LIN54: variants seen among roughly 807,000 people sequenced by gnomAD.
LIN54 encodes the protein protein lin-54 homolog.
In LIN54, 9 loss-of-function variants were observed where a neutral mutation model predicts 78.7. The observed-to-expected ratio is 0.11, with a 90% CI of 0.07 to 0.20. LIN54 has a LOEUF of 0.20. LIN54 is among the 10% of genes least tolerant of loss of function. LIN54 has a pLI of 1.00. For synonymous variants in LIN54, 269 were observed against 318.4 expected (o/e 0.84, Z 1.65); for missense variants, 573 against 889.9 (o/e 0.64, Z 4.53).
At chr4:82,938,375 G>T in intron 8 of LIN54, 38 bp downstream of exon 8, 1 of 1,124,646 alleles carries the variant, frequency 8.9e-7, no homozygotes, top group Non-Finnish European at 1.4e-6. Context: ...CATTTAAGCT[G>T]ATCTAACAAC....
chr4:82,948,764 C>T (rs1723610707), intron 4 of LIN54, among the ~76,000 whole-genome samples: 1 of 152,154 alleles, frequency 6.6e-6, no homozygotes. Flanking sequence ...TTTCCAGATT[C>T]CACATATGTG....
intron 4 of LIN54, among the ~76,000 whole-genome samples, chr4:82,961,675 C>T (rs1373129601): frequency 3.9e-5 from 6 of 152,134 alleles, no homozygotes; most frequent in African/African-American, 1.4e-4. Context: ...ATTAAGAAGG[C>T]CAGGCGTGGT....
chr4:82,947,235 A>ATATATATATATTTTTTTTTTTTTT, intron 4 of LIN54, among the ~76,000 whole-genome samples: 1 of 44,292 alleles, frequency 2.3e-5, no homozygotes, highest in African/African-American at 1.0e-4. Flanking sequence ...ATATATATAT[A>ATATATATATATTTTTTTTTTTTTT]TTTTTTTTTT....
chr4:82,936,185 GGAATT>G (rs1408668157), intron 10 of LIN54, 67 bp from the exon 11 acceptor site: 1 of 1,577,862 alleles, frequency 6.3e-7, no homozygotes, highest in African/African-American at 1.4e-5. Flanking sequence ...CACTGCAAAA[GGAATT>G]GATAACGTTT....
chr4:82,970,594 T>C, intron 3 of LIN54, 125 bp from the exon 4 acceptor site: 2 of 846,606 alleles, frequency 2.4e-6, no homozygotes, highest in Non-Finnish European at 3.6e-6. Flanking sequence ...CAACACTTAA[T>C]GAGGCACTAA....
chr4:83,001,900 AG>A (rs1728842598), intron 1 of LIN54, among the ~76,000 whole-genome samples: 2 of 1,188 alleles, frequency 1.7e-3, no homozygotes, highest in Non-Finnish European at 4.8e-3. Context: ...GGAAGGAGGG[AG>A]GGAGGGAGGG....
chr4:82,957,907 G>A (rs557140559), intron 4 of LIN54, among the ~76,000 whole-genome samples: 1 of 152,270 alleles, frequency 6.6e-6, no homozygotes, highest in South Asian at 2.1e-4. Context: ...TAAGCACTCA[G>A]TAAATACTTG....
At chr4:82,998,521 G>A (rs1038318757) in intron 1 of LIN54, among the ~76,000 whole-genome samples, 89 of 147,746 alleles carry the variant, frequency 6.0e-4, no homozygotes, top group African/African-American at 1.9e-3. Flanking sequence ...GGGCGACGGT[G>A]CGAGACTCCG....
At position 82,924,900 on chromosome 4, in the gene LIN54, A is replaced by G. The variant is rs982845481; in HGVS notation, c.*3202T>C. Reference sequence around the variant, plus strand: ...GTTATGGCCGGAGGTCCTGCTGTGAAGCTTCATTTACATAACAAGTATTCA... The same window carrying G: ...GTTATGGCCGGAGGTCCTGCTGTGAGGCTTCATTTACATAACAAGTATTCA... On this transcript the variant is annotated 3_prime_UTR_variant, in exon 13 of 13. Transcript: ENST00000340417. 6.5e-6 allele frequency: 1 copy of G among 152,692 alleles called. No homozygotes were observed. Among genetic ancestry groups the G allele is most frequent in the African/African-American group, 2.4e-5 (1 of 41,474 alleles). The allele number at this position is 152,692 out of a possible 1,614,324, so 9.5% of individuals were successfully genotyped here.
chr4:82,989,461 C>G (rs1727475054), intron 1 of LIN54, among the ~76,000 whole-genome samples: 1 of 152,190 alleles, frequency 6.6e-6, no homozygotes, highest in South Asian at 2.1e-4. Context: ...GGGCTCCACT[C>G]ACAATGTCAC....
Position 82,972,220 on chromosome 4 carries a change from A to AT in LIN54, c.809-1752dup, listed in dbSNP as rs896835553. ...CAGGCACGTGCCACCATGCTTAGCT[A>AT]TTTTTTTTTTATTTTTTTTAGACAA... On this transcript the variant is annotated intron_variant, in intron 3 of 12. Coordinates refer to ENST00000340417, the MANE Select transcript of LIN54 (RefSeq NM_194282.4). 1.0e-3 allele frequency among the ~76,000 whole-genome samples: 150 copies of AT among 148,416 alleles called. 1 individual carries two copies. Among genetic ancestry groups the AT allele is most frequent in the South Asian group, 4.3e-3 (20 of 4,646 alleles).
chr4:82,967,436 A>G (rs1036718181), intron 4 of LIN54, among the ~76,000 whole-genome samples: 5 of 152,164 alleles, frequency 3.3e-5, no homozygotes, highest in African/African-American at 1.2e-4. Context: ...ATGGTAGGGC[A>G]AAGATTTAGA....
intron 7 of LIN54, 30 bp from the exon 8 acceptor site, chr4:82,938,534 A>G (rs752179578): frequency 1.1e-5 from 14 of 1,298,224 alleles, no homozygotes; most frequent in Middle Eastern, 1.8e-4. Flanking sequence ...ATTTTAGATC[A>G]TATTTCCAAA....
At chr4:82,954,166 T>A (rs1021306644) in intron 4 of LIN54, among the ~76,000 whole-genome samples, 11 of 152,060 alleles carry the variant, frequency 7.2e-5, no homozygotes, top group African/African-American at 2.7e-4. Flanking sequence ...ATGAAGAGAC[T>A]AAATTTTGAC....
At chr4:83,003,440 G>C (rs1238119745) in intron 1 of LIN54, 4 of 152,176 alleles carry the variant, frequency 2.6e-5, no homozygotes, top group Non-Finnish European at 5.9e-5. Flanking sequence ...GTTTTGAAAG[G>C]TTTGTATTTC....
rs1042312106 is a variant in LIN54, at chr4:82,949,626, A to T, written c.952-3152T>A. Among the ~76,000 whole-genome samples the T allele has an allele frequency of 4.6e-5, 7 of 150,886 alleles. No individual in the cohort carries two copies. In the South Asian group the frequency reaches 1.5e-3, roughly 32 times the overall value. ...TGGCCAGGCTGGTCTTGAACTCCTG[A>T]CCCCAAGTGATCGGCCTCCCTCAGC... On this transcript the variant is annotated intron_variant, in intron 4 of 12. Transcript: ENST00000340417.
chr4:82,967,873 G>A (rs1034579807), intron 4 of LIN54, among the ~76,000 whole-genome samples: 9 of 152,126 alleles, frequency 5.9e-5, no homozygotes, highest in Admixed American at 4.6e-4. Flanking sequence ...AGGGAGAGGA[G>A]GTTGAAGAGT....
chr4:82,939,978 A>T lies in LIN54; in HGVS notation c.1169-16T>A. Reference sequence around the variant, plus strand: ...ACTGGCTTTGCTTTTTAAAAAACAAAAGAAGGATGAACAAGTTATTTACAG... The same window carrying T: ...ACTGGCTTTGCTTTTTAAAAAACAATAGAAGGATGAACAAGTTATTTACAG... On this transcript the variant is annotated splice_polypyrimidine_tract_variant and intron_variant, in intron 5 of 12. Coordinates refer to ENST00000340417, the MANE Select transcript of LIN54 (RefSeq NM_194282.4). 6.4e-7 allele frequency: 1 copy of T among 1,556,726 alleles called. No individual in the cohort carries two copies. The highest frequency in any genetic ancestry group is 8.7e-7 in the Non-Finnish European group (1 of 1,144,368).
intron 4 of LIN54, among the ~76,000 whole-genome samples, chr4:82,961,955 C>CAA (rs11338764): frequency 1.4e-4 from 17 of 123,166 alleles, no homozygotes; most frequent in Non-Finnish European, 1.8e-5. Context: ...GACTCTGTCT[C>CAA]AAAAAAAAAA....
Sources: gnomAD v4.1 joint callset for allele counts (sites outside exome capture counted in the v4.1 genomes callset) on GRCh38, gnomAD v4.1.1 for gene constraint, MANE v1.5 for transcripts, NCBI Gene and HGNC (gene_info 2026-07-23, HGNC 2026-07-21) for gene names.